Variants in PTPRO observed in about 807,000 individuals in gnomAD.
The protein encoded by PTPRO is protein tyrosine phosphatase receptor type O.
In PTPRO, 62 loss-of-function variants were observed where a neutral mutation model predicts 145.2. The ratio of observed to expected loss-of-function variants is 0.43; its 90% CI spans 0.35 to 0.53. The LOEUF (loss-of-function observed/expected upper bound fraction) is 0.53, where lower values mean the gene tolerates loss of function less well. Among genes scored for constraint, PTPRO ranks in the 20% least tolerant of loss-of-function variants. The pLI, the probability that PTPRO is intolerant of heterozygous loss-of-function variation, is 0.01. For missense variants in PTPRO, 1,345 were observed against 1,482.7 expected (o/e 0.91, Z 1.53); for synonymous variants, 565 against 514.7 (o/e 1.10, Z -1.32).
rs1022324031 is a variant in PTPRO, at chr12:15,596,781, T to G, written c.*708T>G. On this transcript the variant is annotated 3_prime_UTR_variant, in exon 27 of 27. Coordinates refer to ENST00000281171, the MANE Select transcript of PTPRO (RefSeq NM_030667.3). Reference sequence around the variant, plus strand: ...CTGTTCTAGTTCTTGATGGTTTTCTTCCTTATTAACAGTTGGTGTTTCTTC... The same window carrying G: ...CTGTTCTAGTTCTTGATGGTTTTCTGCCTTATTAACAGTTGGTGTTTCTTC... The G allele has an allele frequency of 6.6e-6, 1 of 152,432 alleles. No homozygotes were observed. The highest frequency in any genetic ancestry group is 1.5e-5 in the Non-Finnish European group (1 of 68,044). 9.4% of individuals were successfully genotyped at this position (152,432 alleles called of 1,614,324 possible).
chr12:15,411,816 C>T lies in PTPRO; in HGVS notation c.76-72158C>T, dbSNP rs554209311. On this transcript the variant is annotated intron_variant, in intron 1 of 26. Coordinates refer to ENST00000281171, the MANE Select transcript of PTPRO (RefSeq NM_030667.3). Reference sequence around the variant, plus strand: ...TAATCCTCACATTGGTTATTTGCTACGAAGACTCAAGGCATCATTTCACTT... The same window carrying T: ...TAATCCTCACATTGGTTATTTGCTATGAAGACTCAAGGCATCATTTCACTT... 3.3e-5 allele frequency among the ~76,000 whole-genome samples: 5 copies of T among 152,292 alleles called. No individual in the cohort carries two copies. In the South Asian group the frequency reaches 6.2e-4, roughly 19 times the overall value.
Position 15,555,739 on chromosome 12 carries a change from T to C in PTPRO, c.2559-1716T>C, listed in dbSNP as rs1373434614. On this transcript the variant is annotated intron_variant, in intron 15 of 26. Coordinates refer to ENST00000281171, the MANE Select transcript of PTPRO (RefSeq NM_030667.3). ...CATAGATTCTCATCATTTTTCATGC[T>C]ATGATCCTTTTTGGCAGTCTGGTGA... Among the ~76,000 whole-genome samples the C allele has an allele frequency of 2.0e-5, 3 of 152,354 alleles. No homozygotes were observed. The East Asian group carries it at 5.8e-4, about 29-fold the overall frequency.
chr12:15,397,424 A>T (rs1939372084), intron 1 of PTPRO, among the ~76,000 whole-genome samples: 1 of 152,152 alleles, frequency 6.6e-6, no homozygotes, highest in African/African-American at 2.4e-5. Flanking sequence ...GATCTTTCTG[A>T]TTGAAAAGCC....
At chr12:15,442,167 T>G (rs1940785672) in intron 1 of PTPRO, among the ~76,000 whole-genome samples, 1 of 152,174 alleles carries the variant, frequency 6.6e-6, no homozygotes, top group Non-Finnish European at 1.5e-5. Flanking sequence ...CAAGTAGACT[T>G]CATTCCTGGA....
intron 25 of PTPRO, 74 bp from the exon 26 acceptor site, chr12:15,594,863 A>G (rs1283268931): frequency 9.4e-7 from 1 of 1,063,560 alleles, no homozygotes; most frequent in Non-Finnish European, 1.4e-6. Flanking sequence ...CTTGATCATT[A>G]AAATTGTCAT....
chr12:15,327,201 A>G (rs897378099), intron 1 of PTPRO, among the ~76,000 whole-genome samples: 2 of 152,216 alleles, frequency 1.3e-5, no homozygotes, highest in Admixed American at 1.3e-4. Flanking sequence ...TTATATTAGA[A>G]TCTTATTAAA....
chr12:15,502,247 A>T (rs994109378), intron 5 of PTPRO, among the ~76,000 whole-genome samples, 184 bp downstream of exon 5: 2 of 152,210 alleles, frequency 1.3e-5, no homozygotes, highest in African/African-American at 4.8e-5. Context: ...CCAAATGAAT[A>T]GACTGGATAA....
At chr12:15,587,355 C>T (rs982871625) in intron 24 of PTPRO, among the ~76,000 whole-genome samples, 2 of 152,134 alleles carry the variant, frequency 1.3e-5, no homozygotes, top group Non-Finnish European at 2.9e-5. Flanking sequence ...GTATTCAAAT[C>T]CAGGCATGCC....
At position 15,500,387 on chromosome 12, in the gene PTPRO, T is replaced by C. The variant is rs113730413; in HGVS notation, c.661+793T>C. Reference sequence around the variant, plus strand: ...TTCACCTAATGTCAACAGTTAAGATTCTATTTATGTTTTTCATTATTCAAT... The same window carrying C: ...TTCACCTAATGTCAACAGTTAAGATCCTATTTATGTTTTTCATTATTCAAT... On this transcript the variant is annotated intron_variant, in intron 4 of 26. Transcript: ENST00000281171. Among the ~76,000 whole-genome samples the C allele has an allele frequency of 5.3e-3, 806 of 152,314 alleles. 5 individuals carry two copies. The highest frequency in any genetic ancestry group is 0.018 in the African/African-American group (744 of 41,564).
chr12:15,477,115 T>C (rs1206507626), intron 1 of PTPRO, among the ~76,000 whole-genome samples: 6 of 28,422 alleles, frequency 2.1e-4, no homozygotes, highest in African/African-American at 6.5e-4. Context: ...TGTCCAACAA[T>C]GATAGACTGG....
intron 1 of PTPRO, among the ~76,000 whole-genome samples, chr12:15,456,002 T>C (rs1345465525): frequency 1.3e-5 from 2 of 152,168 alleles, no homozygotes; most frequent in Admixed American, 6.5e-5. Flanking sequence ...ACTTAAAACA[T>C]AATTTAAAAA....
chr12:15,340,248 C>A (rs1042467948), intron 1 of PTPRO, among the ~76,000 whole-genome samples: 2 of 152,184 alleles, frequency 1.3e-5, no homozygotes, highest in African/African-American at 2.4e-5. Context: ...CCACAGAACT[C>A]TACACACACT....
At chr12:15,550,286 A>G (rs1203899759) in intron 14 of PTPRO, among the ~76,000 whole-genome samples, 3 of 152,194 alleles carry the variant, frequency 2.0e-5, no homozygotes, top group Admixed American at 1.3e-4. Flanking sequence ...AAGAGAAAAT[A>G]TATGTACTAT....
Position 15,597,705 on chromosome 12 carries a change from C to T in PTPRO, c.*1632C>T, listed in dbSNP as rs1443339019. On this transcript the variant is annotated 3_prime_UTR_variant, in exon 27 of 27. Transcript: ENST00000281171. ...GGGTGAATGGCAGAGGATGCCCATACCCTGCAGGTTAACAGCTTGGGCTCC... is the reference window on the plus strand; with the variant it reads ...GGGTGAATGGCAGAGGATGCCCATATCCTGCAGGTTAACAGCTTGGGCTCC... 6.6e-6 allele frequency among the ~76,000 whole-genome samples: 1 copy of T among 152,154 alleles called. No homozygotes were observed. Among genetic ancestry groups the T allele is most frequent in the Non-Finnish European group, 1.5e-5 (1 of 68,026 alleles).
Position 15,508,622 on chromosome 12 carries a change from G to C in PTPRO, c.1319G>C (p.Ser440Thr), listed in dbSNP as rs1174587414. The C allele has an allele frequency of 2.5e-6, 4 of 1,614,100 alleles. No individual in the cohort carries two copies. The highest frequency in any genetic ancestry group is 3.3e-5 in the Admixed American group (2 of 60,014). Reference sequence around the variant, plus strand: ...CTGACCGAGAAGCCGCAGCACGTGAGTGTCCACGTTTTAAGCTCAACCACT... The same window carrying C: ...CTGACCGAGAAGCCGCAGCACGTGACTGTCCACGTTTTAAGCTCAACCACT... ...EELTEKPQHV[S>T]VHVLSSTTAL... Residue 440 changes from serine (S) to threonine (T), a missense_variant, in exon 7 of 27, where the codon AGT becomes ACT. Around this residue, in one of 3 missense-constraint regions of PTPRO, gnomAD observed 1,130 missense variants for 1,214.7 expected, o/e 0.93. Transcript: ENST00000281171.
intron 1 of PTPRO, among the ~76,000 whole-genome samples, chr12:15,392,324 C>T (rs1939209292): frequency 6.6e-6 from 1 of 152,184 alleles, no homozygotes; most frequent in South Asian, 2.1e-4. Context: ...ATCAACCTGC[C>T]ACCAACTGGC....
intron 1 of PTPRO, among the ~76,000 whole-genome samples, chr12:15,458,095 C>T (rs1941220532): frequency 6.6e-6 from 1 of 152,096 alleles, no homozygotes; most frequent in African/African-American, 2.4e-5. Context: ...ATTATCTCTC[C>T]TTCATTTTTG....
intron 12 of PTPRO, among the ~76,000 whole-genome samples, chr12:15,542,560 A>G (rs1290970751): frequency 1.3e-5 from 2 of 152,202 alleles, no homozygotes; most frequent in Non-Finnish European, 2.9e-5. Flanking sequence ...TCTAGGCAAT[A>G]AGAAGAAATG....
intron 1 of PTPRO, among the ~76,000 whole-genome samples, chr12:15,441,806 A>G (rs922660839): frequency 2.0e-5 from 3 of 152,170 alleles, no homozygotes; most frequent in Admixed American, 6.5e-5. Context: ...AATCAAGAAG[A>G]AATTGAAACA....
Sources: allele counts gnomAD v4.1 joint callset (sites outside exome capture counted in the v4.1 genomes callset), GRCh38; gene constraint gnomAD v4.1.1; regional missense constraint gnomAD v4.1.1; transcripts MANE v1.5; gene names NCBI Gene and HGNC (gene_info 2026-07-23, HGNC 2026-07-21).